DST: variants seen among roughly 807,000 people sequenced by gnomAD.
DST encodes the protein bullous pemphigoid antigen.
Under a neutral mutation model 875.2 loss-of-function variants are expected in DST, and 253 were observed. That is an observed-to-expected ratio of 0.29 (90% CI 0.26 to 0.32). The LOEUF is 0.32. Ranked by LOEUF, DST falls within the 10% of genes least tolerant of loss-of-function variation. DST has a pLI of 1.00. For synonymous variants in DST, 3,124 were observed against 3,197.1 expected (o/e 0.98, Z 0.77); for missense variants, 8,287 against 9,111.6 (o/e 0.91, Z 3.68).
chr6:56,478,012 G>C (rs556943259), intron 90 of DST, among the ~76,000 whole-genome samples: 8 of 152,018 alleles, frequency 5.3e-5, no homozygotes, highest in Admixed American at 2.0e-4. Context: ...TGGATACAGA[G>C]GGCCAACTTT....
At chr6:56,631,814 G>GT in intron 29 of DST, 69 bp downstream of exon 29, 2 of 1,440,272 alleles carry the variant, frequency 1.4e-6, no homozygotes, top group Middle Eastern at 1.7e-4. Flanking sequence ...ACATTAAGAA[G>GT]TCACAAGAGT....
intron 4 of DST, among the ~76,000 whole-genome samples, chr6:56,801,753 T>TTC (rs1366738453): frequency 2.0e-5 from 3 of 150,266 alleles, no homozygotes; most frequent in African/African-American, 7.3e-5. Context: ...AATAATTTTT[T>TTC]TTTTTTTTTT....
intron 3 of DST, among the ~76,000 whole-genome samples, chr6:56,887,623 G>C (rs975562036): frequency 6.6e-6 from 1 of 152,132 alleles, no homozygotes; most frequent in Non-Finnish European, 1.5e-5. Flanking sequence ...TCCTTGGTTT[G>C]GAGATTAAAG....
chr6:56,615,766 C>A, intron 36 of DST: 1 of 1,614,140 alleles, frequency 6.2e-7, no homozygotes, highest in South Asian at 1.1e-5. Context: ...GAACCTGTGG[C>A]TCTATCAACC....
chr6:56,880,334 GAGAT>G (rs1781510838), intron 3 of DST, among the ~76,000 whole-genome samples: 1 of 152,178 alleles, frequency 6.6e-6, no homozygotes, highest in African/African-American at 2.4e-5. Flanking sequence ...GTCAGAATAA[GAGAT>G]AGAACTACAA....
intron 4 of DST, among the ~76,000 whole-genome samples, chr6:56,830,933 T>C (rs891734320): frequency 6.6e-6 from 1 of 152,196 alleles, no homozygotes; most frequent in Non-Finnish European, 1.5e-5. Context: ...TGGTGTTCTC[T>C]AGACTGGCTA....
intron 36 of DST, chr6:56,618,636 T>A: frequency 6.2e-7 from 1 of 1,614,206 alleles, no homozygotes; most frequent in Non-Finnish European, 8.5e-7. Context: ...AGTTCTTTAA[T>A]GTTTGTTTCA....
intron 73 of DST, among the ~76,000 whole-genome samples, chr6:56,510,993 A>C (rs2096463848): frequency 6.6e-6 from 1 of 152,208 alleles, no homozygotes; most frequent in South Asian, 2.1e-4. Context: ...TATTTGTATT[A>C]TATCTATAAG....
chr6:56,950,840 T>C (rs186606050), intron 2 of DST, among the ~76,000 whole-genome samples: 27 of 152,320 alleles, frequency 1.8e-4, no homozygotes, highest in Non-Finnish European at 3.5e-4. Flanking sequence ...TTTGCAAGTA[T>C]GTGAAAATAA....
intron 22 of DST, among the ~76,000 whole-genome samples, chr6:56,637,530 G>C (rs935184235): frequency 3.3e-5 from 5 of 152,098 alleles, no homozygotes; most frequent in African/African-American, 1.2e-4. Context: ...CTGGGATGAG[G>C]TTTGGGGAGG....
At chr6:56,475,973 C>A (rs1379700588) in intron 92 of DST, among the ~76,000 whole-genome samples, 176 bp downstream of exon 92, 1 of 152,092 alleles carries the variant, frequency 6.6e-6, no homozygotes, top group Non-Finnish European at 1.5e-5. Context: ...ACAGAGGGTT[C>A]CTGTAAAGAG....
Position 56,606,175 on chromosome 6 carries a change from C to T in DST, c.8453G>A (p.Gly2818Asp), listed in dbSNP as rs557762267. 1 of 1,594,978 alleles carries T rather than the reference C, an allele frequency of 6.3e-7. No individual in the cohort carries two copies. Among genetic ancestry groups the T allele is most frequent in the Admixed American group, 1.8e-5 (1 of 56,528 alleles). Reference sequence around the variant, plus strand: ...GGGCTTTCCATTCTCATCTCTTATACCTCCTCCTTCTTCATCAATGCCATC... The same window carrying T: ...GGGCTTTCCATTCTCATCTCTTATATCTCCTCCTTCTTCATCAATGCCATC... The part of the protein sequence containing the change: ...DDDGIDEEGG[G>D]IRDENGKPRC... The change falls in exon 40 of 104, where the codon GGT (glycine) becomes GAT (aspartate). Residue 2818 changes from glycine (G) to aspartate (D), a missense_variant. Gly to Asp is a moderately conservative substitution (Grantham distance 94, BLOSUM62 -1). Around this residue, in one of 10 missense-constraint regions of DST, gnomAD observed 3,138 missense variants for 3,116.6 expected, o/e 1.01. Coordinates refer to ENST00000680361, the MANE Select transcript of DST (RefSeq NM_001374736.1).
intron 39 of DST, among the ~76,000 whole-genome samples, chr6:56,610,226 C>T (rs1269338573): frequency 6.6e-6 from 1 of 152,132 alleles, no homozygotes; most frequent in Non-Finnish European, 1.5e-5. Flanking sequence ...ATTAAGATGT[C>T]ACAGAAACTG....
intron 7 of DST, 146 bp downstream of exon 7, chr6:56,703,502 T>TAC (rs1335741304): frequency 1.3e-5 from 2 of 157,592 alleles, no homozygotes; most frequent in Non-Finnish European, 2.7e-5. Context: ...AATTTTTTGG[T>TAC]ACACACACAT....
Position 56,604,154 on chromosome 6 carries a change from T to C in DST, c.10474A>G (p.Ile3492Val). The C allele has an allele frequency of 6.3e-7, 1 of 1,590,700 alleles. No homozygotes were observed. Among genetic ancestry groups the C allele is most frequent in the East Asian group, 2.3e-5 (1 of 44,330 alleles). The change falls in exon 40 of 104, where the codon ATT (isoleucine) becomes GTT (valine). Residue 3492 changes from isoleucine to valine, a missense_variant. By Grantham distance (29) the Ile-to-Val change is conservative (BLOSUM62 3). Coordinates refer to ENST00000680361, the MANE Select transcript of DST (RefSeq NM_001374736.1). Reference sequence around the variant, plus strand: ...CCATCAGCAAGCAGTTTGTAGAAAATATTTTCAAGCTGCAGTGGAAGTACT... The same window carrying C: ...CCATCAGCAAGCAGTTTGTAGAAAACATTTTCAAGCTGCAGTGGAAGTACT... ...SKVLPLQLEN[I>V]FYKLLADGYS...
chr6:56,856,342 A>T (rs1440530518), intron 3 of DST, among the ~76,000 whole-genome samples: 2 of 152,226 alleles, frequency 1.3e-5, no homozygotes, highest in Non-Finnish European at 2.9e-5. Flanking sequence ...GGCAACGGAG[A>T]AAAGTGCAGA....
chr6:56,553,283 T>A lies in DST; in HGVS notation c.15509A>T (p.Lys5170Met). ...GAGAGTCTCTACTTGCTCTTTATAC[T>A]TAAGGGCTTTTTCCAATGACTCTTT... ...KLKESLEKAL[K>M]YKEQVETLWP... Residue 5170 changes from lysine to methionine, a missense_variant, in exon 61 of 104, where the codon AAG becomes ATG. This residue lies in a region of DST where 1,513 missense variants were observed against 1,677.8 expected (regional missense o/e 0.90). Coordinates refer to ENST00000680361, the MANE Select transcript of DST (RefSeq NM_001374736.1). 6.2e-7 allele frequency: 1 copy of A among 1,613,714 alleles called. No homozygotes were observed. The highest frequency in any genetic ancestry group is 8.5e-7 in the Non-Finnish European group (1 of 1,179,888).
chr6:56,855,590 C>A (rs1035325053), intron 3 of DST, among the ~76,000 whole-genome samples: 4 of 152,192 alleles, frequency 2.6e-5, no homozygotes, highest in African/African-American at 9.7e-5. Context: ...TACCTTCATA[C>A]CACATTGTTT....
chr6:56,757,753 G>GC (rs1469549861), intron 4 of DST, among the ~76,000 whole-genome samples: 16 of 152,272 alleles, frequency 1.1e-4, no homozygotes, highest in African/African-American at 3.6e-4. Context: ...GGCTCAAGCA[G>GC]CCATCTAGGA....
Sources: gnomAD v4.1 joint callset for allele counts (sites outside exome capture counted in the v4.1 genomes callset) on GRCh38, gnomAD v4.1.1 for gene constraint, gnomAD v4.1.1 regional missense constraint, MANE v1.5 for transcripts, NCBI Gene and HGNC (gene_info 2026-07-23, HGNC 2026-07-21) for gene names.